The following SYNJ2 variants were observed in gnomAD, a reference collection of about 807,000 sequenced individuals.
SYNJ2 encodes synaptojanin 2, also known as polyphosphatidylinositol phosphatase SYNJ2.
A neutral mutation model predicts 141.3 loss-of-function variants in SYNJ2; 116 were observed. The ratio of observed to expected loss-of-function variants is 0.82; its 90% confidence interval spans 0.71 to 0.96. The LOEUF (loss-of-function observed/expected upper bound fraction) is 0.96. SYNJ2 is among the 40% of genes least tolerant of loss of function. The probability of loss-of-function intolerance (pLI) is 0.00; values close to 1 mark genes in which losing one functional copy is unlikely to be tolerated. For synonymous variants in SYNJ2, 745 were observed against 777.7 expected, an observed-to-expected ratio of 0.96 and a Z score of 0.70; for missense variants, 1,873 against 1,934.8, an observed-to-expected ratio of 0.97 and a Z score of 0.60.
intron 1 of SYNJ2, among the ~76,000 whole-genome samples, chr6:158,008,944 C>T (rs1039667440): frequency 1.3e-5 from 2 of 152,204 alleles, no homozygotes; most frequent in African/African-American, 2.4e-5. Flanking sequence ...GTGTTCCCCA[C>T]GCCACTTCCT....
rs370059807 is a variant in SYNJ2 at position 158,098,013 on chromosome 6, C to T, written c.*1649C>T. The T allele has an allele frequency of 1.3e-5, 2 of 152,254 alleles. No homozygotes were observed. The highest frequency in any genetic ancestry group is 2.4e-5 in the African/African-American group (1 of 41,542). The allele number at this position is 152,254 out of a possible 1,614,324, so 9.4% of individuals were successfully genotyped here. The stretch of plus-strand genomic sequence containing the variant: ...AAGAAATAAACAGAATGGTCCTTAA[C>T]AGAGTTTGGGGGAGAGAGCAAGATG... On this transcript the variant is annotated 3_prime_UTR_variant, in exon 27 of 27. Coordinates refer to ENST00000355585, the MANE Select transcript of SYNJ2 (RefSeq NM_003898.4).
chr6:158,094,494 C>T (rs554816218), intron 26 of SYNJ2, among the ~76,000 whole-genome samples: 7 of 150,800 alleles, frequency 4.6e-5, no homozygotes, highest in South Asian at 2.1e-4. Context: ...ATGCTTTCTA[C>T]GGAACATTAG....
At chr6:158,067,734 C>A in intron 12 of SYNJ2, 1 of 985,296 alleles carries the variant, frequency 1.0e-6, no homozygotes, top group Non-Finnish European at 1.2e-6. Flanking sequence ...CACACGCCAT[C>A]TGTGCCCTCC....
intron 2 of SYNJ2, among the ~76,000 whole-genome samples, chr6:158,025,442 G>A (rs1432244348): frequency 6.6e-6 from 1 of 152,006 alleles, no homozygotes; most frequent in South Asian, 2.1e-4. Flanking sequence ...TTGGGAGGCT[G>A]AGGCAGGTGA....
chr6:158,094,546 C>G (rs1562415007), intron 26 of SYNJ2, among the ~76,000 whole-genome samples: 1 of 152,182 alleles, frequency 6.6e-6, no homozygotes, highest in Admixed American at 6.5e-5. Flanking sequence ...TCAGTGGAAC[C>G]ATTGTAAGTC....
Position 158,043,962 on chromosome 6 carries a change from G to A in SYNJ2, c.795+563G>A, listed in dbSNP as rs145863631. Among the ~76,000 whole-genome samples the A allele has an allele frequency of 0.011, 1,660 of 152,300 alleles. 14 individuals are homozygous for A. The highest frequency in any genetic ancestry group is 0.017 in the Middle Eastern group (5 of 292). On this transcript the variant is annotated intron_variant, in intron 5 of 26. Coordinates refer to ENST00000355585, the MANE Select transcript of SYNJ2 (RefSeq NM_003898.4). The surrounding 1 kb of genome is among the most constrained non-coding windows in gnomAD (Gnocchi z 4.0). ...TCTCCTGGGAAGAGCACAGGGTGGG[G>A]ACACATTCCAAGAACACATTTGTCA...
At position 158,081,432 on chromosome 6, in the gene SYNJ2, G is replaced by T; in HGVS notation, c.2787G>T (p.Arg929Ser). ...TGACTTGGAGTATCATTTATTCCAG[G>T]ATCAACCAAGGGCAGATGCTGGTAA... ...LGSYGTIVLVRINQGQMLVTF... is the reference protein window; with the variant it reads ...LGSYGTIVLVSINQGQMLVTF... The change falls in exon 20 of 27, where the codon AGG (arginine) becomes AGT (serine). Residue 929 changes from arginine to serine, a missense_variant and splice_region_variant. By Grantham distance (110) the Arg-to-Ser change is moderately radical. Transcript: ENST00000355585. 6.2e-7 allele frequency: 1 copy of T among 1,613,822 alleles called. No homozygotes were observed. Among genetic ancestry groups the T allele is most frequent in the Non-Finnish European group, 8.5e-7 (1 of 1,179,966 alleles).
intron 5 of SYNJ2, among the ~76,000 whole-genome samples, chr6:158,051,257 A>G (rs557445075): frequency 3.3e-5 from 5 of 152,246 alleles, no homozygotes; most frequent in Non-Finnish European, 7.4e-5. Context: ...TGCTGAAGCC[A>G]GGGGAGACTT....
chr6:158,031,296 A>G, intron 3 of SYNJ2, among the ~76,000 whole-genome samples: 1 of 152,210 alleles, frequency 6.6e-6, no homozygotes, highest in Non-Finnish European at 1.5e-5. Context: ...TCCTTGGGGT[A>G]TCTGAATTGC....
At chr6:158,062,188 C>A (rs370393074) in intron 8 of SYNJ2, 24 bp downstream of exon 8, 2 of 1,604,032 alleles carry the variant, frequency 1.2e-6, no homozygotes, top group Admixed American at 3.4e-5. Flanking sequence ...CGCACTGTGC[C>A]GCGTCTTCTG....
intron 12 of SYNJ2, among the ~76,000 whole-genome samples, chr6:158,068,140 T>TA (rs35047437): frequency 0.015 from 1,946 of 126,044 alleles, 14 homozygotes; most frequent in African/African-American, 0.028. Context: ...TTGTTTTATT[T>TA]AAAAAAAAAA....
chr6:158,095,724 C>A lies in SYNJ2; in HGVS notation c.3851C>A (p.Pro1284His), dbSNP rs1186759616. The A allele has an allele frequency of 6.2e-7, 1 of 1,614,108 alleles. No individual in the cohort carries two copies. Among genetic ancestry groups the A allele is most frequent in the African/African-American group, 1.3e-5 (1 of 74,942 alleles). The change falls in exon 27 of 27, where the codon CCT (proline) becomes CAT (histidine). Residue 1284 changes from proline (P) to histidine (H), a missense_variant. Transcript: ENST00000355585. The stretch of plus-strand genomic sequence containing the variant: ...CCTGTCGTGACAGCCCCTCGAGTCC[C>A]TCCTGTTCCCAAACCAAGAACATTT... ...APPVVTAPRV[P>H]PVPKPRTFQP...
chr6:158,006,674 A>G (rs1778081987), intron 1 of SYNJ2, among the ~76,000 whole-genome samples: 1 of 152,074 alleles, frequency 6.6e-6, no homozygotes, highest in African/African-American at 2.4e-5. Context: ...ACTCCCAGCT[A>G]ATTTTTGTTG....
chr6:158,086,806 C>T, intron 22 of SYNJ2, 49 bp from the exon 23 acceptor site: 1 of 1,595,854 alleles, frequency 6.3e-7, no homozygotes, highest in Non-Finnish European at 8.5e-7. Flanking sequence ...GTCTGACACG[C>T]TCACGTGTGG....
intron 1 of SYNJ2, among the ~76,000 whole-genome samples, chr6:158,006,150 C>G (rs1354801291): frequency 1.3e-5 from 2 of 152,192 alleles, no homozygotes; most frequent in Non-Finnish European, 2.9e-5. Context: ...CCACTTTCCT[C>G]TCCAGCAGCC....
In SYNJ2 at chr6:158,056,484, T is replaced by G. The variant is rs1381444159; in HGVS notation, c.857+1456T>G. Among the ~76,000 whole-genome samples the G allele has an allele frequency of 2.0e-5, 3 of 152,356 alleles. No individual in the cohort carries two copies. The East Asian group carries it at 5.8e-4, about 29-fold the overall frequency. On this transcript the variant is annotated intron_variant, in intron 6 of 26. Transcript: ENST00000355585. ...ATGCTTCTTACCCACGACACTGGGC[T>G]GGAGGCAGGAGCCCTCCCGTTCCCT...
chr6:157,984,437 T>C (rs990927163), intron 1 of SYNJ2, among the ~76,000 whole-genome samples: 1 of 152,230 alleles, frequency 6.6e-6, no homozygotes, highest in Non-Finnish European at 1.5e-5. Context: ...TTCACTCTTG[T>C]TGCCTGGGCT....
Position 158,043,650 on chromosome 6 carries a change from G to T in SYNJ2, c.795+251G>T, listed in dbSNP as rs573118877. On this transcript the variant is annotated intron_variant, in intron 5 of 26. Coordinates refer to ENST00000355585, the MANE Select transcript of SYNJ2 (RefSeq NM_003898.4). This position sits in a 1 kb window ranked among gnomAD's most constrained non-coding sequence, Gnocchi z 4.0. ...GTCGTCAAGGATGCTGTGTGAAACC[G>T]CTGACTCGGGAACGGTGCTGCGGTG... 3.3e-5 allele frequency among the ~76,000 whole-genome samples: 5 copies of T among 152,204 alleles called. No individual in the cohort carries two copies. Among genetic ancestry groups the T allele is most frequent in the Middle Eastern group, 3.2e-3 (1 of 316 alleles).
At chr6:158,016,113 G>T (rs572004064) in intron 1 of SYNJ2, among the ~76,000 whole-genome samples, 1 of 152,202 alleles carries the variant, frequency 6.6e-6, no homozygotes, top group African/African-American at 2.4e-5. Context: ...ACGTTTCATA[G>T]AAATGGAATC....
Sources: gnomAD v4.1 joint callset for allele counts (sites outside exome capture counted in the v4.1 genomes callset) on GRCh38, gnomAD v4.1.1 for gene constraint, Gnocchi (gnomAD v3.1) non-coding constraint, MANE v1.5 for transcripts, NCBI Gene and HGNC (gene_info 2026-07-23, HGNC 2026-07-21) for gene names.